The following PDZD2 variants were observed in gnomAD, a reference collection of about 807,000 sequenced individuals.
PDZD2 encodes PDZ domain containing 2, also known as PDZ domain-containing protein 2.
PDZD2 carries 90 observed loss-of-function variants against 220.7 expected under a neutral mutation model. The observed-to-expected ratio is 0.41, with a 90% CI of 0.34 to 0.49. PDZD2 has a LOEUF of 0.49. PDZD2 is among the 20% of genes least tolerant of loss of function. PDZD2 has a pLI of 0.28. For missense variants in PDZD2, 3,174 were observed against 3,608.5 expected (o/e 0.88, Z 3.08); for synonymous variants, 1,375 against 1,450.5 (o/e 0.95, Z 1.18).
At chr5:31,664,448 G>GCA (rs1261469264) in intron 1 of PDZD2, among the ~76,000 whole-genome samples, 1 of 133,240 alleles carries the variant, frequency 7.5e-6, no homozygotes, top group East Asian at 2.3e-4. Flanking sequence ...GCGCATGCAT[G>GCA]CATACACACA....
At chr5:31,937,671 G>A (rs1033675554) in intron 2 of PDZD2, among the ~76,000 whole-genome samples, 5 of 152,230 alleles carry the variant, frequency 3.3e-5, no homozygotes, top group Non-Finnish European at 4.4e-5. Flanking sequence ...ATGGGAGGAG[G>A]AACGGCACCT....
chr5:31,855,443 C>T (rs1258586216), intron 2 of PDZD2, among the ~76,000 whole-genome samples: 2 of 152,164 alleles, frequency 1.3e-5, no homozygotes, highest in African/African-American at 2.4e-5. Flanking sequence ...GGAGGCGCCC[C>T]GGCTGTGTGT....
intron 19 of PDZD2, among the ~76,000 whole-genome samples, chr5:32,080,381 AGG>A (rs1741816067): frequency 7.5e-6 from 1 of 133,136 alleles, no homozygotes; most frequent in African/African-American, 2.9e-5. Flanking sequence ...GTGGGGGGTG[AGG>A]GGTTTCTATT....
chr5:31,854,937 C>T (rs1014188322), intron 2 of PDZD2: 1 of 984,064 alleles, frequency 1.0e-6, no homozygotes, highest in African/African-American at 1.7e-5. Context: ...TCCCACAGAC[C>T]TGGAGCCGGC....
chr5:32,004,336 C>T (rs1435245979), intron 5 of PDZD2, among the ~76,000 whole-genome samples: 1 of 152,156 alleles, frequency 6.6e-6, no homozygotes, highest in East Asian at 1.9e-4. Context: ...CCTGTAATCC[C>T]AGCAATTTGG....
At chr5:32,072,070 G>A (rs945867378) in intron 16 of PDZD2, 91 bp from the exon 17 acceptor site, 15 of 883,880 alleles carry the variant, frequency 1.7e-5, no homozygotes, top group Non-Finnish European at 2.5e-5. Context: ...TGATTAGAAC[G>A]AAGTGTTCTT....
intron 6 of PDZD2, among the ~76,000 whole-genome samples, chr5:32,021,489 G>A (rs1754201141): frequency 1.3e-5 from 2 of 151,634 alleles, no homozygotes; most frequent in South Asian, 2.1e-4. Context: ...GTAGAGATGG[G>A]GTTTCACCAT....
At chr5:31,764,383 C>A (rs1751859077) in intron 1 of PDZD2, among the ~76,000 whole-genome samples, 1 of 152,120 alleles carries the variant, frequency 6.6e-6, no homozygotes. Context: ...AGAAAATAAA[C>A]CCTTAGAGGA....
At chr5:32,045,416 G>A (rs1167589981) in intron 7 of PDZD2, among the ~76,000 whole-genome samples, 1 of 150,656 alleles carries the variant, frequency 6.6e-6, no homozygotes, top group Non-Finnish European at 1.5e-5. Context: ...TTAGATTTGT[G>A]ATCTTTCTTT....
At chr5:31,707,330 T>A (rs549324425) in intron 1 of PDZD2, among the ~76,000 whole-genome samples, 4 of 113,652 alleles carry the variant, frequency 3.5e-5, no homozygotes, top group African/African-American at 3.9e-5. Flanking sequence ...AATTAATTAA[T>A]TAAATAAAAA....
intron 2 of PDZD2, among the ~76,000 whole-genome samples, chr5:31,870,901 A>G (rs532001731): frequency 2.7e-4 from 41 of 152,162 alleles, no homozygotes; most frequent in Admixed American, 7.9e-4. Flanking sequence ...AAAAAAAAAA[A>G]AAAAGGAACA....
intron 5 of PDZD2, among the ~76,000 whole-genome samples, chr5:32,005,496 T>A (rs560679216): frequency 4.0e-5 from 6 of 150,422 alleles, no homozygotes; most frequent in African/African-American, 1.5e-4. Context: ...ACAAGTAATA[T>A]ATATGTATTG....
At position 32,077,621 on chromosome 5, in the gene PDZD2, C is replaced by T. The variant is rs1323753051; in HGVS notation, c.3682+15C>T. 12 of 1,613,136 alleles carry T rather than the reference C, an allele frequency of 7.4e-6. No homozygotes were observed. The Admixed American group carries it at 1.8e-4, about 25-fold the overall frequency. On this transcript the variant is annotated intron_variant, in intron 19 of 24. Coordinates refer to ENST00000438447, the MANE Select transcript of PDZD2 (RefSeq NM_178140.4). ...ACCCATGACTGGTAAGATTATTTTC[C>T]CATTTGTTAATCTTAAAGTAGGTGG...
intron 1 of PDZD2, among the ~76,000 whole-genome samples, chr5:31,682,474 G>A (rs1746688155): frequency 1.3e-5 from 2 of 152,112 alleles, no homozygotes; most frequent in South Asian, 4.1e-4. Flanking sequence ...TAAGAACAAG[G>A]CTTCATTACA....
At chr5:32,011,474 G>A (rs1274241281) in intron 6 of PDZD2, among the ~76,000 whole-genome samples, 1 of 152,138 alleles carries the variant, frequency 6.6e-6, no homozygotes, top group Non-Finnish European at 1.5e-5. Flanking sequence ...TCTCCAACCT[G>A]GGCTACAGAG....
intron 1 of PDZD2, among the ~76,000 whole-genome samples, chr5:31,702,674 G>C (rs1164812664): frequency 6.6e-6 from 1 of 152,254 alleles, no homozygotes; most frequent in Non-Finnish European, 1.5e-5. Flanking sequence ...AAGTCGGAGA[G>C]ATAGGCCAAG....
chr5:31,933,043 T>C (rs1306241937), intron 2 of PDZD2, among the ~76,000 whole-genome samples: 2 of 152,054 alleles, frequency 1.3e-5, no homozygotes, highest in East Asian at 3.9e-4. Context: ...CCCGAGTAGC[T>C]GGGATTACAG....
chr5:31,682,193 G>C (rs972242024), intron 1 of PDZD2, among the ~76,000 whole-genome samples: 2 of 152,186 alleles, frequency 1.3e-5, no homozygotes, highest in African/African-American at 4.8e-5. Flanking sequence ...GGACCCACGG[G>C]GAGGGGGAGA....
chr5:31,878,309 C>A (rs1275726037), intron 2 of PDZD2, among the ~76,000 whole-genome samples: 1 of 152,122 alleles, frequency 6.6e-6, no homozygotes, highest in Non-Finnish European at 1.5e-5. Flanking sequence ...TTCTTGGTCC[C>A]TGACAACTGG....
Sources: gnomAD v4.1 joint callset for allele counts (sites outside exome capture counted in the v4.1 genomes callset) on GRCh38, gnomAD v4.1.1 for gene constraint, MANE v1.5 for transcripts, NCBI Gene and HGNC (gene_info 2026-07-23, HGNC 2026-07-21) for gene names.